Variants in DTNA observed in about 807,000 individuals in gnomAD.
DTNA encodes the protein dystrophin-related protein 3.
DTNA carries 43 observed loss-of-function variants against 100.7 expected under a neutral mutation model. The ratio of observed to expected loss-of-function variants is 0.43; its 90% CI spans 0.33 to 0.55. The LOEUF (loss-of-function observed/expected upper bound fraction) is 0.55, where lower values mean the gene tolerates loss of function less well. Ranked by LOEUF, DTNA falls within the 20% of genes least tolerant of loss-of-function variation. DTNA has a pLI of 0.04. For synonymous variants in DTNA, 349 were observed against 347.9 expected, an observed-to-expected ratio of 1.00 and a Z score of -0.04; for missense variants, 798 against 953.9, an observed-to-expected ratio of 0.84 and a Z score of 2.15.
intron 1 of DTNA, chr18:34,662,878 A>G (rs1033487127): frequency 2.0e-5 from 3 of 152,190 alleles, no homozygotes; most frequent in African/African-American, 7.2e-5. Flanking sequence ...AAATGAAGAC[A>G]CTTTCATGAG....
At chr18:34,761,267 A>G (rs948673550) in intron 2 of DTNA, among the ~76,000 whole-genome samples, 3 of 152,216 alleles carry the variant, frequency 2.0e-5, no homozygotes, top group African/African-American at 7.2e-5. Flanking sequence ...TTTTAAATGA[A>G]TGAGATATTT....
chr18:34,497,353 G>A (rs1386035046), intron 1 of DTNA, among the ~76,000 whole-genome samples: 1 of 152,136 alleles, frequency 6.6e-6, no homozygotes, highest in Non-Finnish European at 1.5e-5. Flanking sequence ...AGCAAACATA[G>A]GAGTGACTAA....
intron 17 of DTNA, among the ~76,000 whole-genome samples, chr18:34,865,843 A>G (rs1327177360): frequency 2.0e-5 from 3 of 152,238 alleles, no homozygotes; most frequent in African/African-American, 4.8e-5. Context: ...CTAGCCTAAC[A>G]GAGTACTGCC....
chr18:34,718,638 AAAG>A (rs2084575489), intron 1 of DTNA, among the ~76,000 whole-genome samples: 1 of 152,230 alleles, frequency 6.6e-6, no homozygotes, highest in Admixed American at 6.5e-5. Context: ...GCAGTCAAAA[AAAG>A]AAGGGTGGAA....
intron 1 of DTNA, among the ~76,000 whole-genome samples, chr18:34,684,421 A>G (rs1473256327): frequency 6.6e-6 from 1 of 152,050 alleles, no homozygotes; most frequent in Non-Finnish European, 1.5e-5. Context: ...TTCCTGTGTT[A>G]GTTTCCTGAG....
chr18:34,651,857 A>T (rs1457187607), intron 1 of DTNA, among the ~76,000 whole-genome samples: 1 of 152,092 alleles, frequency 6.6e-6, no homozygotes, highest in Non-Finnish European at 1.5e-5. Context: ...TGAGCCCAGA[A>T]ATTTGAGACC....
At chr18:34,858,436 A>G (rs2096577868) in intron 16 of DTNA, 38 bp downstream of exon 16, 1 of 1,595,174 alleles carries the variant, frequency 6.3e-7, no homozygotes, top group Non-Finnish European at 8.6e-7. Flanking sequence ...GGGAATATAT[A>G]TGTGTCAGAT....
intron 1 of DTNA, among the ~76,000 whole-genome samples, chr18:34,599,594 T>C (rs1267333695): frequency 6.6e-6 from 1 of 152,206 alleles, no homozygotes; most frequent in Non-Finnish European, 1.5e-5. Flanking sequence ...ACCTGAAAAA[T>C]TCCATATCCC....
chr18:34,600,291 T>A (rs1202448108), intron 1 of DTNA, among the ~76,000 whole-genome samples: 2 of 152,152 alleles, frequency 1.3e-5, no homozygotes, highest in Non-Finnish European at 2.9e-5. Flanking sequence ...GGACTTGGCA[T>A]TTTTGCAAAA....
At chr18:34,503,175 C>T (rs1468142907) in intron 1 of DTNA, among the ~76,000 whole-genome samples, 1 of 148,858 alleles carries the variant, frequency 6.7e-6, no homozygotes, top group Admixed American at 6.7e-5. Flanking sequence ...ACTCATTTTT[C>T]TTTTAATGGG....
chr18:34,521,314 C>T (rs1269698317), intron 1 of DTNA, among the ~76,000 whole-genome samples: 3 of 152,148 alleles, frequency 2.0e-5, no homozygotes, highest in Admixed American at 6.6e-5. Context: ...CTTCTTACTC[C>T]ACCACGAGCC....
At chr18:34,513,368 A>C (rs573413784) in intron 1 of DTNA, 1 of 152,312 alleles carries the variant, frequency 6.6e-6, no homozygotes, top group South Asian at 2.1e-4. Flanking sequence ...ACCTAGCGAT[A>C]GGCTAAGAGG....
At chr18:34,538,503 C>T (rs191349963) in intron 1 of DTNA, among the ~76,000 whole-genome samples, 190 of 152,116 alleles carry the variant, frequency 1.2e-3, no homozygotes, top group African/African-American at 3.8e-3. Flanking sequence ...AGAATCTCTA[C>T]GCAGTGAGCT....
intron 11 of DTNA, among the ~76,000 whole-genome samples, chr18:34,836,901 T>C (rs780127519): frequency 4.6e-5 from 7 of 152,130 alleles, no homozygotes; most frequent in Non-Finnish European, 7.4e-5. Context: ...AACTATAATG[T>C]GCATAGTTCT....
chr18:34,851,411 A>G (rs982701007), intron 14 of DTNA, among the ~76,000 whole-genome samples: 4 of 152,106 alleles, frequency 2.6e-5, no homozygotes, highest in Admixed American at 1.3e-4. Flanking sequence ...CTAAAACTAT[A>G]TTTTTAATTG....
intron 1 of DTNA, among the ~76,000 whole-genome samples, chr18:34,639,881 A>G (rs1027598845): frequency 2.6e-5 from 4 of 152,202 alleles, no homozygotes; most frequent in East Asian, 1.9e-4. Context: ...GCAGATAACA[A>G]CAGCAGAAGT....
intron 1 of DTNA, among the ~76,000 whole-genome samples, chr18:34,551,430 G>A (rs1208539974): frequency 6.6e-6 from 1 of 152,076 alleles, no homozygotes; most frequent in Admixed American, 6.6e-5. Flanking sequence ...CTCAGCTAAT[G>A]CACTCTCCAT....
At chr18:34,689,397 G>T (rs2079401089) in intron 1 of DTNA, among the ~76,000 whole-genome samples, 1 of 152,020 alleles carries the variant, frequency 6.6e-6, no homozygotes, top group African/African-American at 2.4e-5. Flanking sequence ...TAATAGTCAG[G>T]CCCCTCTGCT....
At position 34,587,944 on chromosome 18, in the gene DTNA, T is replaced by C. The variant is rs1361295258; in HGVS notation, c.-2+94430T>C. Among the ~76,000 whole-genome samples the C allele has an allele frequency of 2.0e-5, 3 of 152,158 alleles. No individual in the cohort carries two copies. The East Asian group carries it at 5.8e-4, about 29-fold the overall frequency. The stretch of plus-strand genomic sequence containing the variant: ...TGGCTGGCCACTTTACATTCAGCAG[T>C]CAGTCCAAGAGACTGTAATAGATAC... On this transcript the variant is annotated intron_variant, in intron 1 of 19. Transcript: ENST00000283365.
Sources: gnomAD v4.1 joint callset for allele counts (sites outside exome capture counted in the v4.1 genomes callset) on GRCh38, gnomAD v4.1.1 for gene constraint, MANE v1.5 for transcripts, NCBI Gene and HGNC (gene_info 2026-07-23, HGNC 2026-07-21) for gene names.